The following CACNA2D3 variants were observed in gnomAD, a reference collection of about 807,000 sequenced individuals.
CACNA2D3 encodes voltage-dependent calcium channel subunit alpha-2/delta-3.
A neutral mutation model predicts 160.6 loss-of-function variants in CACNA2D3; 60 were observed. The ratio of observed to expected loss-of-function variants is 0.37; its 90% CI spans 0.30 to 0.46. The LOEUF (loss-of-function observed/expected upper bound fraction) is 0.46, where lower values mean the gene tolerates loss of function less well. Ranked by LOEUF, CACNA2D3 falls within the 20% of genes least tolerant of loss-of-function variation. CACNA2D3 has a pLI of 1.00. For synonymous variants in CACNA2D3, 558 were observed against 492.9 expected (o/e 1.13, Z -1.75); for missense variants, 1,205 against 1,365.0 (o/e 0.88, Z 1.85).
At chr3:54,929,319 C>A (rs1377874885) in intron 27 of CACNA2D3, among the ~76,000 whole-genome samples, 1 of 152,188 alleles carries the variant, frequency 6.6e-6, no homozygotes, top group African/African-American at 2.4e-5. Context: ...ATGAGAAAGG[C>A]TTTCAGGATT....
chr3:54,690,066 A>G (rs191180103), intron 11 of CACNA2D3, among the ~76,000 whole-genome samples: 24 of 152,064 alleles, frequency 1.6e-4, no homozygotes, highest in Admixed American at 1.4e-3. Flanking sequence ...TCTGCTTGGG[A>G]CATTTTTCCC....
intron 2 of CACNA2D3, among the ~76,000 whole-genome samples, chr3:54,165,691 C>T (rs1282124827): frequency 6.6e-6 from 1 of 150,712 alleles, no homozygotes; most frequent in Non-Finnish European, 1.5e-5. Context: ...GGGAGGATTG[C>T]TTGAGCCGAG....
intron 2 of CACNA2D3, among the ~76,000 whole-genome samples, chr3:54,288,662 A>G (rs1252761334): frequency 2.0e-5 from 3 of 152,192 alleles, no homozygotes; most frequent in Non-Finnish European, 4.4e-5. Flanking sequence ...ACATTGATGC[A>G]AATATCCTCA....
At chr3:54,443,604 G>A (rs567575567) in intron 4 of CACNA2D3, among the ~76,000 whole-genome samples, 1 of 152,124 alleles carries the variant, frequency 6.6e-6, no homozygotes, top group Non-Finnish European at 1.5e-5. Context: ...TGTTTTCCTG[G>A]TGGAGCAGAC....
At chr3:54,826,548 C>A (rs1027996958) in intron 14 of CACNA2D3, among the ~76,000 whole-genome samples, 1 of 152,050 alleles carries the variant, frequency 6.6e-6, no homozygotes, top group Non-Finnish European at 1.5e-5. Flanking sequence ...AATCATGAGC[C>A]CTGTGTGCTT....
Position 54,736,046 on chromosome 3 carries a change from C to CATACATATATATATGTATATATATAT in CACNA2D3, c.1168-16552_1168-16551insTACATATATATATGTATATATATATA, listed in dbSNP as rs1187456049. ...ATACATATATATATGTATATATATA[C>CATACATATATATATGTATATATATAT]ACATACATATGTATGTATATATATA... On this transcript the variant is annotated intron_variant, in intron 11 of 37. Coordinates refer to ENST00000474759, the MANE Select transcript of CACNA2D3 (RefSeq NM_018398.3). 7.0e-5 allele frequency among the ~76,000 whole-genome samples: 5 copies of CATACATATATATATGTATATATATAT among 71,448 alleles called. No individual in the cohort carries two copies. In the East Asian group the frequency reaches 1.0e-3, roughly 14 times the overall value. 46.9% of individuals were successfully genotyped at this position (71,448 alleles called of 152,430 possible).
chr3:54,889,773 T>C (rs1700014198), intron 24 of CACNA2D3, among the ~76,000 whole-genome samples: 1 of 152,222 alleles, frequency 6.6e-6, no homozygotes, highest in Non-Finnish European at 1.5e-5. Context: ...TCTTATTTCC[T>C]GGGAAGCTGG....
intron 4 of CACNA2D3, among the ~76,000 whole-genome samples, chr3:54,417,074 G>A (rs969992726): frequency 6.6e-6 from 1 of 152,272 alleles, no homozygotes; most frequent in East Asian, 1.9e-4. Context: ...CGGCTTCTAA[G>A]GATGAGTGCT....
chr3:54,268,435 G>GT (rs766069602), intron 2 of CACNA2D3, among the ~76,000 whole-genome samples: 54 of 152,150 alleles, frequency 3.5e-4, no homozygotes, highest in Non-Finnish European at 6.0e-4. Context: ...TTGAGATGGA[G>GT]TTTCACTCTT....
chr3:54,650,427 G>A (rs538502954), intron 11 of CACNA2D3, among the ~76,000 whole-genome samples: 6 of 152,202 alleles, frequency 3.9e-5, no homozygotes, highest in South Asian at 2.1e-4. Context: ...AGTGGTGCAT[G>A]TTCTTGACTC....
At chr3:54,860,245 A>G (rs1024992245) in intron 17 of CACNA2D3, among the ~76,000 whole-genome samples, 1 of 152,220 alleles carries the variant, frequency 6.6e-6, no homozygotes, top group African/African-American at 2.4e-5. Context: ...GACAGACATC[A>G]CAGAGTATTT....
intron 26 of CACNA2D3, among the ~76,000 whole-genome samples, chr3:54,897,708 C>G (rs886510219): frequency 6.6e-6 from 1 of 152,186 alleles, no homozygotes; most frequent in African/African-American, 2.4e-5. Flanking sequence ...AAGGGAAGTT[C>G]TCCAGGGTTT....
chr3:54,722,631 C>T (rs1701190284), intron 11 of CACNA2D3, among the ~76,000 whole-genome samples: 1 of 152,120 alleles, frequency 6.6e-6, no homozygotes, highest in Non-Finnish European at 1.5e-5. Context: ...TGTTAGTTTT[C>T]CTTCTGACAG....
intron 9 of CACNA2D3, among the ~76,000 whole-genome samples, chr3:54,602,503 A>G (rs1316665704): frequency 6.6e-6 from 1 of 150,516 alleles, no homozygotes; most frequent in Non-Finnish European, 1.5e-5. Context: ...ATCTCAAAAA[A>G]AAAAAAAAAA....
At chr3:54,445,049 T>C (rs1331924658) in intron 4 of CACNA2D3, among the ~76,000 whole-genome samples, 8 of 152,152 alleles carry the variant, frequency 5.3e-5, no homozygotes, top group Admixed American at 3.3e-4. Flanking sequence ...GAATGCAGAC[T>C]CCAGAGCCCA....
chr3:54,275,884 T>C (rs1034150455), intron 2 of CACNA2D3, among the ~76,000 whole-genome samples: 5 of 151,996 alleles, frequency 3.3e-5, no homozygotes, highest in African/African-American at 1.2e-4. Flanking sequence ...TGCCTTGGCC[T>C]CCCAAAGTGC....
intron 11 of CACNA2D3, among the ~76,000 whole-genome samples, chr3:54,724,493 T>G (rs1701239555): frequency 6.6e-6 from 1 of 152,164 alleles, no homozygotes; most frequent in Non-Finnish European, 1.5e-5. Context: ...CTGCACTTAT[T>G]CTAAACTGGA....
chr3:54,475,448 G>A (rs1700811887), intron 4 of CACNA2D3, among the ~76,000 whole-genome samples: 1 of 152,144 alleles, frequency 6.6e-6, no homozygotes, highest in Admixed American at 6.5e-5. Context: ...TTTATTTTGA[G>A]CTTTTGGTAC....
At chr3:54,165,439 C>T (rs1700433612) in intron 2 of CACNA2D3, among the ~76,000 whole-genome samples, 1 of 151,908 alleles carries the variant, frequency 6.6e-6, no homozygotes, top group Non-Finnish European at 1.5e-5. Flanking sequence ...TCAACAGGGC[C>T]CTCTGCTCCT....
Sources: allele counts gnomAD v4.1 joint callset (sites outside exome capture counted in the v4.1 genomes callset), GRCh38; gene constraint gnomAD v4.1.1; transcripts MANE v1.5; gene names NCBI Gene and HGNC (gene_info 2026-07-23, HGNC 2026-07-21).